The following PKIA variants were observed in gnomAD, a reference collection of about 807,000 sequenced individuals.
PKIA encodes the protein PKI-alpha.
A neutral mutation model predicts 7.6 loss-of-function variants in PKIA; 4 were observed. That is an observed-to-expected ratio of 0.52 (90% CI 0.26 to 1.20). PKIA has a LOEUF of 1.20. Among genes scored for constraint, PKIA ranks in the 50% most tolerant of loss-of-function variants. The pLI is 0.13. For synonymous variants in PKIA, 21 were observed against 30.7 expected (o/e 0.68, Z 1.04); for missense variants, 73 against 86.2 (o/e 0.85, Z 0.61).
chr8:78,542,868 A>C (rs1309771069), intron 1 of PKIA, among the ~76,000 whole-genome samples: 1 of 152,126 alleles, frequency 6.6e-6, no homozygotes, highest in Admixed American at 6.6e-5. Flanking sequence ...TCTCGTATCC[A>C]TCTGAAGATG....
chr8:78,586,362 T>G (rs1276594342), intron 2 of PKIA, among the ~76,000 whole-genome samples: 1 of 152,216 alleles, frequency 6.6e-6, no homozygotes, highest in East Asian at 1.9e-4. Flanking sequence ...ATCTCACTTT[T>G]GCATTTTCAA....
At chr8:78,534,071 T>C (rs1412142730) in intron 1 of PKIA, 2 of 152,132 alleles carry the variant, frequency 1.3e-5, no homozygotes, top group East Asian at 1.9e-4. Flanking sequence ...TCCAACTTTA[T>C]AGTTTCTCAC....
At chr8:78,532,565 TC>T (rs1182634381) in intron 1 of PKIA, among the ~76,000 whole-genome samples, 11 of 151,302 alleles carry the variant, frequency 7.3e-5, no homozygotes, top group Admixed American at 7.2e-4. Context: ...AATTGAACAT[TC>T]ACTGAGCCAT....
chr8:78,550,458 T>G (rs1331469882), intron 1 of PKIA, among the ~76,000 whole-genome samples: 15 of 151,964 alleles, frequency 9.9e-5, no homozygotes, highest in Admixed American at 9.2e-4. Flanking sequence ...AAAAGGGTGG[T>G]TAGAGGCCTA....
At chr8:78,559,637 G>C (rs895857357) in intron 1 of PKIA, among the ~76,000 whole-genome samples, 1 of 152,192 alleles carries the variant, frequency 6.6e-6, no homozygotes, top group Non-Finnish European at 1.5e-5. Context: ...GTGTGATGGA[G>C]ATAGAGGCTA....
At chr8:78,562,279 T>A (rs1482137238) in intron 1 of PKIA, among the ~76,000 whole-genome samples, 2 of 152,304 alleles carry the variant, frequency 1.3e-5, no homozygotes, top group Non-Finnish European at 2.9e-5. Flanking sequence ...TAGTCATTTT[T>A]TAGCTTCTTG....
At chr8:78,590,481 A>G (rs775247953) in intron 2 of PKIA, among the ~76,000 whole-genome samples, 1 of 152,050 alleles carries the variant, frequency 6.6e-6, no homozygotes, top group Non-Finnish European at 1.5e-5. Context: ...AAAAAATAAT[A>G]TCTCTGTTAA....
chr8:78,547,266 G>A (rs767894677), intron 1 of PKIA, among the ~76,000 whole-genome samples: 9 of 151,634 alleles, frequency 5.9e-5, no homozygotes, highest in Admixed American at 1.3e-4. Flanking sequence ...CACCACACCC[G>A]GCTAATTTTT....
chr8:78,537,611 A>G (rs936373532), intron 1 of PKIA, among the ~76,000 whole-genome samples: 13 of 131,094 alleles, frequency 9.9e-5, no homozygotes, highest in Admixed American at 3.4e-4. Context: ...GCCAACAACT[A>G]GAGTGCAAAT....
In PKIA at chr8:78,524,034, G is replaced by A. The variant is rs866842774; in HGVS notation, c.-157+7566G>A. 4.3e-4 allele frequency among the ~76,000 whole-genome samples: 32 copies of A among 74,758 alleles called. 5 individuals are homozygous for A. Among genetic ancestry groups the A allele is most frequent in the African/African-American group, 1.1e-3 (14 of 13,030 alleles). 49.0% of individuals were successfully genotyped at this position (74,758 alleles called of 152,430 possible). A position where few individuals can be genotyped will look rare whatever the true frequency, so the allele number is the denominator to read the frequency against. The stretch of plus-strand genomic sequence containing the variant: ...AATATATATAAACGTTTATATAAAC[G>A]TTTATATATATAAATATATATAAAC... On this transcript the variant is annotated intron_variant, in intron 1 of 3. Coordinates refer to ENST00000396418, the MANE Select transcript of PKIA (RefSeq NM_006823.4).
At chr8:78,598,713 A>G (rs969857418) in intron 3 of PKIA, among the ~76,000 whole-genome samples, 178 bp downstream of exon 3, 4 of 152,092 alleles carry the variant, frequency 2.6e-5, no homozygotes, top group Admixed American at 6.6e-5. Flanking sequence ...TCTATTTTCA[A>G]TGATGTCTGT....
chr8:78,526,791 C>T (rs1173316369), intron 1 of PKIA, among the ~76,000 whole-genome samples: 1 of 151,782 alleles, frequency 6.6e-6, no homozygotes, highest in South Asian at 2.1e-4. Context: ...AAAATAGAGC[C>T]TCACTTACTG....
chr8:78,539,931 T>C (rs1806633951), intron 1 of PKIA, among the ~76,000 whole-genome samples: 1 of 152,078 alleles, frequency 6.6e-6, no homozygotes, highest in Non-Finnish European at 1.5e-5. Context: ...TTACACATTA[T>C]ATGATTTCAC....
intron 1 of PKIA, among the ~76,000 whole-genome samples, chr8:78,554,330 C>T (rs901265839): frequency 1.2e-4 from 18 of 151,908 alleles, no homozygotes; most frequent in African/African-American, 4.3e-4. Flanking sequence ...CTGTTCTCTT[C>T]CTTGCAAATA....
chr8:78,553,068 G>A (rs1335636330), intron 1 of PKIA, among the ~76,000 whole-genome samples: 12 of 146,462 alleles, frequency 8.2e-5, no homozygotes, highest in South Asian at 4.3e-4. Context: ...CACACATAAC[G>A]TATCTAATTC....
chr8:78,591,662 T>G (rs1274190393), intron 2 of PKIA, among the ~76,000 whole-genome samples: 4 of 152,186 alleles, frequency 2.6e-5, no homozygotes, highest in Non-Finnish European at 5.9e-5. Context: ...TCCATTTCCC[T>G]CTTTTCCCTA....
intron 2 of PKIA, among the ~76,000 whole-genome samples, chr8:78,585,113 AT>A (rs1221489294): frequency 1.3e-5 from 2 of 152,038 alleles, no homozygotes; most frequent in East Asian, 1.9e-4. Flanking sequence ...CTTATAAAAA[AT>A]TTTTTTATTT....
At chr8:78,593,640 A>C (rs888064159) in intron 2 of PKIA, among the ~76,000 whole-genome samples, 1 of 152,240 alleles carries the variant, frequency 6.6e-6, no homozygotes, top group Admixed American at 6.5e-5. Flanking sequence ...TTCACAATTA[A>C]TAACACTGAA....
chr8:78,539,345 A>G (rs1193892336), intron 1 of PKIA, among the ~76,000 whole-genome samples: 1 of 152,092 alleles, frequency 6.6e-6, no homozygotes, highest in African/African-American at 2.4e-5. Flanking sequence ...GCATAAAACA[A>G]AAAGGGAGAC....
Sources: gnomAD v4.1 joint callset for allele counts (sites outside exome capture counted in the v4.1 genomes callset) on GRCh38, gnomAD v4.1.1 for gene constraint, MANE v1.5 for transcripts, NCBI Gene and HGNC (gene_info 2026-07-23, HGNC 2026-07-21) for gene names.